SYT12: variants seen among roughly 807,000 people sequenced by gnomAD.
SYT12 encodes synaptotagmin-12.
SYT12 carries 27 observed loss-of-function variants against 39.5 expected under a neutral mutation model. The ratio of observed to expected loss-of-function variants is 0.68; its 90% CI spans 0.50 to 0.94. The LOEUF is 0.94. SYT12 is among the 40% of genes least tolerant of loss of function. The pLI is 0.00. For missense variants in SYT12, 536 were observed against 572.6 expected (o/e 0.94, Z 0.65); for synonymous variants, 233 against 239.7 (o/e 0.97, Z 0.26).
At chr11:67,037,890 A>G (rs1950413615) in intron 3 of SYT12, among the ~76,000 whole-genome samples, 1 of 150,908 alleles carries the variant, frequency 6.6e-6, no homozygotes, top group African/African-American at 2.4e-5. Context: ...TCAGAAAAAA[A>G]AAAAAAGAAA....
In SYT12 at chr11:67,048,878, C is replaced by T; in HGVS notation, c.*121C>T. ...AACACTGGGGTCCCCTGGCAGAGTC[C>T]TCATGACCCATCCTGGTCTCTCTGT... On this transcript the variant is annotated 3_prime_UTR_variant, in exon 8 of 8. Coordinates refer to ENST00000527043, the MANE Select transcript of SYT12 (RefSeq NM_177963.4). 1 of 1,157,886 alleles carries T rather than the reference C, an allele frequency of 8.6e-7. No homozygotes were observed. The highest frequency in any genetic ancestry group is 1.5e-5 in the African/African-American group (1 of 65,776). The allele number at this position is 1,157,886 out of a possible 1,614,324, so 71.7% of individuals were successfully genotyped here.
intron 2 of SYT12, chr11:67,032,947 G>C (rs1950298400): frequency 6.5e-6 from 1 of 153,774 alleles, no homozygotes; most frequent in Non-Finnish European, 1.4e-5. Context: ...AGAAAAGAAA[G>C]TAGAGCCTTA....
chr11:67,037,186 C>A lies in SYT12; in HGVS notation c.228+2348C>A, dbSNP rs148569536. Among the ~76,000 whole-genome samples the A allele has an allele frequency of 6.2e-3, 945 of 152,138 alleles. 3 individuals carry two copies. The highest frequency in any genetic ancestry group is 0.01 in the Non-Finnish European group (699 of 67,994). On this transcript the variant is annotated intron_variant, in intron 3 of 7. Transcript: ENST00000527043. ...ACAAGAATTGCTTGAACCTAGGAGCCAAGATCGTGGCAGTGCACTCTAGCC... is the reference window on the plus strand; with the variant it reads ...ACAAGAATTGCTTGAACCTAGGAGCAAAGATCGTGGCAGTGCACTCTAGCC...
At chr11:67,018,723 T>C (rs1251992391), upstream of SYT12, among the ~76,000 whole-genome samples, 1 of 151,952 alleles carries the variant, frequency 6.6e-6, no homozygotes, top group Non-Finnish European at 1.5e-5. Flanking sequence ...CTCAGGAGGC[T>C]GAGGCAGGAG....
intron 7 of SYT12, among the ~76,000 whole-genome samples, 171 bp from the exon 8 acceptor site, chr11:67,048,413 T>C (rs1217540884): frequency 6.6e-6 from 1 of 152,142 alleles, no homozygotes; most frequent in Non-Finnish European, 1.5e-5. Flanking sequence ...CTGCCATTTA[T>C]TTGCTGAGTG....
At chr11:67,020,359 C>A (rs1322248751), upstream of SYT12, among the ~76,000 whole-genome samples, 2 of 152,130 alleles carry the variant, frequency 1.3e-5, no homozygotes, top group Non-Finnish European at 2.9e-5. Flanking sequence ...TTCAGAGAGG[C>A]CAGCAGGGTC....
intron 3 of SYT12, among the ~76,000 whole-genome samples, chr11:67,016,652 C>T (rs563725040): frequency 1.1e-4 from 17 of 152,298 alleles, no homozygotes; most frequent in African/African-American, 3.9e-4. Context: ...TTCTGTGAGC[C>T]TAGAAGAAGT....
At position 67,044,105 on chromosome 11, in the gene SYT12, G is replaced by C. The variant is rs145192142; in HGVS notation, c.837+252G>C. On this transcript the variant is annotated intron_variant, in intron 5 of 7. Coordinates refer to ENST00000527043, the MANE Select transcript of SYT12 (RefSeq NM_177963.4). ...GCTTCAGAGGTTCTACCCCTACTGAGCTTCTGCTAGAGAAACATTCCTCTA... is the reference window on the plus strand; with the variant it reads ...GCTTCAGAGGTTCTACCCCTACTGACCTTCTGCTAGAGAAACATTCCTCTA... Among the ~76,000 whole-genome samples the C allele has an allele frequency of 5.5e-3, 840 of 152,342 alleles. 4 individuals carry two copies. Among genetic ancestry groups the C allele is most frequent in the Middle Eastern group, 0.01 (3 of 294 alleles).
chr11:67,044,673 G>C lies in SYT12; in HGVS notation c.918G>C (p.Lys306Asn), dbSNP rs202154331. Residue 306 changes from lysine to asparagine, a missense_variant, in exon 6 of 8, where the codon AAG becomes AAC. Transcript: ENST00000527043. ...TAERLTVVVVKAKNLIWTNDK... is the reference protein window; with the variant it reads ...TAERLTVVVVNAKNLIWTNDK... ...AGCGCCTCACCGTGGTCGTGGTTAA[G>C]GCCAAGAACCTCATCTGGACCAACG... The C allele has an allele frequency of 4.4e-5, 71 of 1,613,672 alleles. No homozygotes were observed. The highest frequency in any genetic ancestry group is 5.8e-5 in the Non-Finnish European group (69 of 1,180,026).
rs117010807 is a variant in SYT12 at position 67,049,835 on chromosome 11, C to T, written c.*1078C>T. 8.2e-3 allele frequency: 1,251 copies of T among 152,386 alleles called. 11 individuals carry two copies. Among genetic ancestry groups the T allele is most frequent in the Middle Eastern group, 0.014 (4 of 296 alleles). 9.4% of individuals were successfully genotyped at this position (152,386 alleles called of 1,614,324 possible). A position where few individuals can be genotyped will look rare whatever the true frequency, so the allele number is the denominator to read the frequency against. On this transcript the variant is annotated 3_prime_UTR_variant, in exon 8 of 8. Transcript: ENST00000527043. Reference sequence around the variant, plus strand: ...CAGGGTGGAAGGGCGGCTTGAGGGACGCCAGGAGAAGACTGAATGCCAGGC... The same window carrying T: ...CAGGGTGGAAGGGCGGCTTGAGGGATGCCAGGAGAAGACTGAATGCCAGGC...
Position 67,048,593 on chromosome 11 carries a change from CTCCGCG to C in SYT12, c.1104_1109del (p.Arg369_Val370del). ...GTTGCCTCTTCCTCAGGACCTGTCT[CTCCGCG>C]TGACGGTGGCTGAGAGCAGCAGCGA... On this transcript the variant is annotated inframe_deletion, in exon 8 of 8. Coordinates refer to ENST00000527043, the MANE Select transcript of SYT12 (RefSeq NM_177963.4). 6.2e-7 allele frequency: 1 copy of C among 1,600,406 alleles called. No individual in the cohort carries two copies.
At chr11:67,020,084 G>A (rs2136198342), upstream of SYT12, among the ~76,000 whole-genome samples, 1 of 152,202 alleles carries the variant, frequency 6.6e-6, no homozygotes, top group Non-Finnish European at 1.5e-5. Flanking sequence ...CCTCCCCTGA[G>A]GTGCACTGCT....
upstream of SYT12, among the ~76,000 whole-genome samples, chr11:67,018,745 C>A (rs1950078965): frequency 6.6e-6 from 1 of 151,904 alleles, no homozygotes; most frequent in Non-Finnish European, 1.5e-5. Flanking sequence ...ATGGCATTAA[C>A]CTGGGAGGCG....
chr11:67,020,047 A>G (rs1302535526), upstream of SYT12, among the ~76,000 whole-genome samples: 3 of 152,114 alleles, frequency 2.0e-5, no homozygotes, highest in African/African-American at 7.2e-5. Context: ...CAGATGGAGC[A>G]TCCTTCAGGC....
At chr11:67,026,740 C>T (rs1374415946) in intron 1 of SYT12, 1 of 152,144 alleles carries the variant, frequency 6.6e-6, no homozygotes, top group Non-Finnish European at 1.5e-5. Context: ...ACCAGCCTCC[C>T]CAGTAGCTGG....
chr11:67,013,207 T>C (rs1164618605), intron 3 of SYT12, among the ~76,000 whole-genome samples: 1 of 152,184 alleles, frequency 6.6e-6, no homozygotes, highest in African/African-American at 2.4e-5. Context: ...CATAACTTAG[T>C]TGGGGCTAGG....
chr11:67,011,835 G>A (rs959354856), intron 3 of SYT12, among the ~76,000 whole-genome samples: 10 of 151,558 alleles, frequency 6.6e-5, no homozygotes, highest in South Asian at 2.1e-4. Flanking sequence ...GCACAATCTC[G>A]GCTCACTGCA....
At chr11:67,013,563 G>A (rs547030274) in intron 3 of SYT12, among the ~76,000 whole-genome samples, 2 of 151,590 alleles carry the variant, frequency 1.3e-5, no homozygotes, top group South Asian at 2.1e-4. Context: ...TTCACCCTTC[G>A]AGGCTCCTGG....
upstream of SYT12, among the ~76,000 whole-genome samples, chr11:67,018,528 A>C (rs920550573): frequency 3.3e-5 from 5 of 151,928 alleles, no homozygotes; most frequent in African/African-American, 1.2e-4. Context: ...CTGTCTCTTA[A>C]AAAAGAAAAA....
Sources: gnomAD v4.1 joint callset for allele counts (sites outside exome capture counted in the v4.1 genomes callset) on GRCh38, gnomAD v4.1.1 for gene constraint, MANE v1.5 for transcripts, NCBI Gene and HGNC (gene_info 2026-07-23, HGNC 2026-07-21) for gene names.